KIAA1143: variants seen among roughly 807,000 people sequenced by gnomAD.
KIAA1143 encodes the protein uncharacterized protein KIAA1143.
Under a neutral mutation model 17.0 loss-of-function variants are expected in KIAA1143, and 8 were observed. The ratio of observed to expected loss-of-function variants is 0.47; its 90% CI spans 0.28 to 0.85. The LOEUF (loss-of-function observed/expected upper bound fraction) is 0.85. KIAA1143 is among the 40% of genes least tolerant of loss of function. The pLI, the probability that KIAA1143 is intolerant of heterozygous loss-of-function variation, is 0.12. For synonymous variants in KIAA1143, 64 were observed against 67.8 expected, an observed-to-expected ratio of 0.94 and a Z score of 0.27; for missense variants, 162 against 183.3, an observed-to-expected ratio of 0.88 and a Z score of 0.67.
intron 1 of KIAA1143, among the ~76,000 whole-genome samples, chr3:44,760,535 G>A (rs919994544): frequency 2.6e-5 from 4 of 151,060 alleles, no homozygotes; most frequent in East Asian, 2.0e-4. Context: ...GACTACAGGC[G>A]CCCGCCACCA....
intron 1 of KIAA1143, among the ~76,000 whole-genome samples, chr3:44,759,915 A>AAAAAAAAAAAAAAAAT (rs1559511956): frequency 1.3e-5 from 2 of 150,302 alleles, no homozygotes; most frequent in Admixed American, 6.6e-5. Flanking sequence ...AAAAAAAAAA[A>AAAAAAAAAAAAAAAAT]GTCCTAGATG....
At chr3:44,756,026 A>G (rs1009208066) in intron 1 of KIAA1143, among the ~76,000 whole-genome samples, 4 of 152,226 alleles carry the variant, frequency 2.6e-5, no homozygotes, top group Admixed American at 6.5e-5. Flanking sequence ...GTTTCTGCCA[A>G]TTTTTCTCTG....
chr3:44,758,864 CTTTT>C (rs1215136400), intron 1 of KIAA1143, among the ~76,000 whole-genome samples: 5 of 139,992 alleles, frequency 3.6e-5, no homozygotes, highest in Non-Finnish European at 4.7e-5. Flanking sequence ...ATGGTTTTGA[CTTTT>C]TTTTTTTTTT....
intron 1 of KIAA1143, among the ~76,000 whole-genome samples, chr3:44,760,482 T>G (rs1705070824): frequency 6.6e-6 from 1 of 151,244 alleles, no homozygotes; most frequent in Admixed American, 6.6e-5. Flanking sequence ...CTCCTCCTCC[T>G]GGGTTCACGC....
At chr3:44,761,619 GAC>G, upstream of KIAA1143, 3 of 305,814 alleles carry the variant, frequency 9.8e-6, no homozygotes, top group South Asian at 3.9e-4. Flanking sequence ...TCTGGGTAAA[GAC>G]AGAAGACAGG....
At position 44,752,125 on chromosome 3, in the gene KIAA1143, A is replaced by G; in HGVS notation, c.*1216T>C. 6.6e-6 allele frequency: 1 copy of G among 152,184 alleles called. No individual in the cohort carries two copies. The highest frequency in any genetic ancestry group is 1.9e-4 in the East Asian group (1 of 5,188). The allele number at this position is 152,184 out of a possible 1,614,324, so 9.4% of individuals were successfully genotyped here. A position where few individuals can be genotyped will look rare whatever the true frequency, so the allele number is the denominator to read the frequency against. ...AAGGATCAGAGGCTACTCCCTTTGC[A>G]ATCCCCTTGCCTTTTCTGCATTGCA... On this transcript the variant is annotated 3_prime_UTR_variant, in exon 3 of 3. Transcript: ENST00000296121.
At position 44,754,355 on chromosome 3, in the gene KIAA1143, T is replaced by C; in HGVS notation, c.122A>G (p.Gln41Arg). 10 of 1,613,994 alleles carry C rather than the reference T, an allele frequency of 6.2e-6. No individual in the cohort carries two copies. The highest frequency in any genetic ancestry group is 8.5e-6 in the Non-Finnish European group (10 of 1,179,902). Residue 41 changes from glutamine (Q) to arginine (R), a missense_variant, in exon 2 of 3, where the codon CAG becomes CGG. Transcript: ENST00000296121. ...GTGATCCCCATCTTCATCTGGGGGC[T>C]GAGGCTGAATTCTCTAGGGAAAAAC... ...PTVETKRIQP[Q>R]PPDEDGDHSD...
At chr3:44,760,844 G>A (rs947768124) in intron 1 of KIAA1143, among the ~76,000 whole-genome samples, 1 of 152,012 alleles carries the variant, frequency 6.6e-6, no homozygotes, top group Non-Finnish European at 1.5e-5. Flanking sequence ...CACCATGCCC[G>A]GCTAATTTTT....
At chr3:44,758,406 C>T (rs1323130867) in intron 1 of KIAA1143, among the ~76,000 whole-genome samples, 2 of 152,186 alleles carry the variant, frequency 1.3e-5, no homozygotes, top group African/African-American at 4.8e-5. Context: ...TCCTCTTAAA[C>T]CTGCTGCTGC....
intron 1 of KIAA1143, among the ~76,000 whole-genome samples, 175 bp downstream of exon 1, chr3:44,761,320 T>C (rs1201246207): frequency 6.6e-6 from 1 of 152,072 alleles, no homozygotes; most frequent in East Asian, 1.9e-4. Flanking sequence ...TTCCTGGGCG[T>C]AGGGGGCTGT....
intron 1 of KIAA1143, 34 bp from the exon 2 acceptor site, chr3:44,754,402 C>T (rs199924551): frequency 3.1e-6 from 5 of 1,598,074 alleles, no homozygotes; most frequent in Non-Finnish European, 4.3e-6. Flanking sequence ...GTGTAGATCA[C>T]TGATCTTGAG....
At chr3:44,757,243 C>T (rs574537465) in intron 1 of KIAA1143, among the ~76,000 whole-genome samples, 1 of 152,300 alleles carries the variant, frequency 6.6e-6, no homozygotes, top group East Asian at 1.9e-4. Context: ...ACCTTACCCT[C>T]TTTGTCATCA....
At position 44,753,490 on chromosome 3, in the gene KIAA1143, C is replaced by G; in HGVS notation, c.316G>C (p.Asp106His). 6.2e-7 allele frequency: 1 copy of G among 1,612,466 alleles called. No homozygotes were observed. The highest frequency in any genetic ancestry group is 8.5e-7 in the Non-Finnish European group (1 of 1,178,724). ...IYRKPVKHPS[D>H]EKYSGLTASS... is the part of the protein sequence containing the mutation. ...GCTGTTAAACCTGAATATTTTTCAT[C>G]TGAGGGATGCTTGACTGGTTTTCGA... Residue 106 changes from aspartate (D) to histidine (H), a missense_variant, in exon 3 of 3, where the codon GAT becomes CAT. Physicochemically the swap from Asp to His is moderately conservative, Grantham distance 81 (BLOSUM62 -1). Around this residue, in one of 2 missense-constraint regions of KIAA1143, gnomAD observed 137 missense variants for 132.5 expected, o/e 1.03. Coordinates refer to ENST00000296121, the MANE Select transcript of KIAA1143 (RefSeq NM_020696.4).
chr3:44,754,817 C>A (rs1704944805), intron 1 of KIAA1143, among the ~76,000 whole-genome samples: 1 of 152,130 alleles, frequency 6.6e-6, no homozygotes, highest in South Asian at 2.1e-4. Context: ...TCATCTTTTC[C>A]CCCTCCTAAT....
chr3:44,761,532 C>T lies in KIAA1143; in HGVS notation c.71G>A (p.Arg24Gln), dbSNP rs769171514. The T allele has an allele frequency of 1.9e-6, 3 of 1,614,184 alleles. No homozygotes were observed. Among genetic ancestry groups the T allele is most frequent in the Admixed American group, 1.7e-5 (1 of 60,026 alleles). Reference sequence around the variant, plus strand: ...GGTGGGTCCCTCCCTGTAGCCGACCCGTTCCTTGAAGCGGGCCAGAAACGC... The same window carrying T: ...GGTGGGTCCCTCCCTGTAGCCGACCTGTTCCTTGAAGCGGGCCAGAAACGC... ...EPAFLARFKE[R>Q]VGYREGPTVE... is the part of the protein sequence containing the mutation. Residue 24 changes from arginine to glutamine, a missense_variant, in exon 1 of 3, where the codon CGG becomes CAG. Physicochemically the swap from Arg to Gln is conservative, Grantham distance 43 (BLOSUM62 1). Coordinates refer to ENST00000296121, the MANE Select transcript of KIAA1143 (RefSeq NM_020696.4).
At position 44,750,301 on chromosome 3, in the gene KIAA1143, T is replaced by A. The variant is rs1704877923; in HGVS notation, c.*3040A>T. Reference sequence around the variant, plus strand: ...AGGCTTATATTAGGCTTATTTGTAATGTTTGAATTATACAGGAAACATTGT... The same window carrying A: ...AGGCTTATATTAGGCTTATTTGTAAAGTTTGAATTATACAGGAAACATTGT... On this transcript the variant is annotated 3_prime_UTR_variant, in exon 3 of 3. Coordinates refer to ENST00000296121, the MANE Select transcript of KIAA1143 (RefSeq NM_020696.4). The A allele has an allele frequency of 6.6e-6, 1 of 152,230 alleles. No homozygotes were observed. The highest frequency in any genetic ancestry group is 2.4e-5 in the African/African-American group (1 of 41,464). 9.4% of individuals were successfully genotyped at this position (152,230 alleles called of 1,614,324 possible).
chr3:44,755,132 T>C (rs971735209), intron 1 of KIAA1143, among the ~76,000 whole-genome samples: 9 of 152,204 alleles, frequency 5.9e-5, no homozygotes, highest in African/African-American at 1.9e-4. Flanking sequence ...CTTTAAGATA[T>C]AGAATTATCT....
chr3:44,752,264 GA>G lies in KIAA1143; in HGVS notation c.*1076del, dbSNP rs1704901667. ...ACTTTGTAACTTCACTTCAGCCTCTGATTGGTCACTTTCTGCACCAATCAGA... is the reference window on the plus strand; with the variant it reads ...ACTTTGTAACTTCACTTCAGCCTCTGTTGGTCACTTTCTGCACCAATCAGA... On this transcript the variant is annotated 3_prime_UTR_variant, in exon 3 of 3. Transcript: ENST00000296121. The G allele has an allele frequency of 6.6e-6, 1 of 151,922 alleles. No homozygotes were observed. 9.4% of individuals were successfully genotyped at this position (151,922 alleles called of 1,614,324 possible). A position where few individuals can be genotyped will look rare whatever the true frequency, so the allele number is the denominator to read the frequency against.
intron 1 of KIAA1143, among the ~76,000 whole-genome samples, chr3:44,758,321 TTC>T (rs1407525512): frequency 6.6e-6 from 1 of 152,122 alleles, no homozygotes; most frequent in Non-Finnish European, 1.5e-5. Flanking sequence ...CACAAAAGAT[TTC>T]TCTTTTGTGA....
Sources: allele counts gnomAD v4.1 joint callset (sites outside exome capture counted in the v4.1 genomes callset), GRCh38; gene constraint gnomAD v4.1.1; regional missense constraint gnomAD v4.1.1; transcripts MANE v1.5; gene names NCBI Gene and HGNC (gene_info 2026-07-23, HGNC 2026-07-21).